Variants in HGSNAT observed in about 807,000 individuals in gnomAD.
The protein encoded by HGSNAT is transmembrane protein 76.
HGSNAT carries 59 observed loss-of-function variants against 85.2 expected under a neutral mutation model. The ratio of observed to expected loss-of-function variants is 0.69; its 90% confidence interval spans 0.56 to 0.86. The LOEUF is 0.86. Among genes scored for constraint, HGSNAT ranks in the 40% least tolerant of loss-of-function variants. The probability of loss-of-function intolerance (pLI) is 0.00; values close to 1 mark genes in which losing one functional copy is unlikely to be tolerated. For missense variants in HGSNAT, 756 were observed against 777.1 expected, an observed-to-expected ratio of 0.97 and a Z score of 0.32; for synonymous variants, 321 against 304.5, an observed-to-expected ratio of 1.05 and a Z score of -0.56.
rs1198992359 is a variant in HGSNAT, at chr8:43,200,030, T to C, written c.*461T>C. 2 of 152,684 alleles carry C rather than the reference T, an allele frequency of 1.3e-5. No individual in the cohort carries two copies. The highest frequency in any genetic ancestry group is 2.9e-5 in the Non-Finnish European group (2 of 68,424). 9.5% of individuals were successfully genotyped at this position (152,684 alleles called of 1,614,324 possible). A position where few individuals can be genotyped will look rare whatever the true frequency, so the allele number is the denominator to read the frequency against. On this transcript the variant is annotated 3_prime_UTR_variant, in exon 18 of 18. Coordinates refer to ENST00000379644, the MANE Select transcript of HGSNAT (RefSeq NM_152419.3). The stretch of plus-strand genomic sequence containing the variant: ...GCTATGAAGCTTACTGGTTGTGATG[T>C]GTTATAATTTAGTCTGTTTTTTTGA...
chr8:43,170,686 C>G lies in HGSNAT; in HGVS notation c.735C>G (p.Thr245=), dbSNP rs997906795. 1.6e-5 allele frequency: 26 copies of G among 1,597,560 alleles called. No homozygotes were observed. The highest frequency in any genetic ancestry group is 2.2e-5 in the Non-Finnish European group (26 of 1,172,490). The part of the protein sequence containing the change: ...ALPPRLRSVD[T]FRGIALILMV... ...CGCCCCGCCTCCGCAGCGTGGACAC[C>G]TTCAGGGGGTATGTGGGCCTCCCTG... is the stretch of plus-strand genomic sequence containing the variant. The change falls in exon 7 of 18, where the codon ACC becomes ACG. Residue 245 remains threonine, a synonymous_variant. Coordinates refer to ENST00000379644, the MANE Select transcript of HGSNAT (RefSeq NM_152419.3).
chr8:43,178,281 A>G (rs1436392548), intron 10 of HGSNAT, 47 bp downstream of exon 10: 6 of 1,339,222 alleles, frequency 4.5e-6, no homozygotes, highest in Non-Finnish European at 6.0e-6. Flanking sequence ...TGAAATATGG[A>G]AACTATATGT....
chr8:43,164,607 C>T (rs1803372143), intron 5 of HGSNAT, among the ~76,000 whole-genome samples: 1 of 152,030 alleles, frequency 6.6e-6, no homozygotes, highest in African/African-American at 2.4e-5. Flanking sequence ...TGGTGAAACC[C>T]CCATCTCTAC....
In HGSNAT at chr8:43,202,427, G is replaced by A. The variant is rs1300107948; in HGVS notation, c.*2858G>A. On this transcript the variant is annotated 3_prime_UTR_variant, in exon 18 of 18. Transcript: ENST00000379644. ...ACAAGATTGGTTTCCTTTGGGAAGG[G>A]AAGAGGGAGTGTGTTGGGGTAAGGG... is the stretch of plus-strand genomic sequence containing the variant. 1.3e-5 allele frequency: 2 copies of A among 152,334 alleles called. No homozygotes were observed. The highest frequency in any genetic ancestry group is 4.8e-5 in the African/African-American group (2 of 41,458). The allele number at this position is 152,334 out of a possible 1,614,324, so 9.4% of individuals were successfully genotyped here.
chr8:43,197,475 T>C (rs1054321792), intron 15 of HGSNAT, 197 bp from the exon 16 acceptor site: 10 of 594,084 alleles, frequency 1.7e-5, no homozygotes, highest in Non-Finnish European at 2.4e-5. Flanking sequence ...CTCAGTAGAA[T>C]GGTGAAGAGA....
At chr8:43,194,657 T>A (rs1414593105) in intron 14 of HGSNAT, 12 of 304,038 alleles carry the variant, frequency 3.9e-5, no homozygotes, top group Non-Finnish European at 5.8e-5. Flanking sequence ...GGACAAATGC[T>A]GTGTCCTCAC....
At chr8:43,165,913 G>A (rs912667549) in intron 5 of HGSNAT, among the ~76,000 whole-genome samples, 1 of 152,146 alleles carries the variant, frequency 6.6e-6, no homozygotes, top group Admixed American at 6.5e-5. Context: ...TCCAGCCTAG[G>A]CAAAGGAGCT....
In HGSNAT at chr8:43,172,289, C is replaced by T. The variant is rs746567359; in HGVS notation, c.744-21C>T. ...TCACATAGCAAACCCTGAAAGGCTT[C>T]TCTTTGTTGGCTTCTTCTAGGATTG... is the stretch of plus-strand genomic sequence containing the variant. On this transcript the variant is annotated intron_variant, in intron 7 of 17. Transcript: ENST00000379644. 10 of 1,580,624 alleles carry T rather than the reference C, an allele frequency of 6.3e-6. No individual in the cohort carries two copies. In the Admixed American group the frequency reaches 1.5e-4, roughly 24 times the overall value.
intron 11 of HGSNAT, among the ~76,000 whole-genome samples, chr8:43,187,739 G>C (rs1233510115): frequency 6.6e-6 from 1 of 152,198 alleles, no homozygotes; most frequent in Non-Finnish European, 1.5e-5. Flanking sequence ...TCCTAGCATT[G>C]ATGGTCTTTA....
intron 12 of HGSNAT, among the ~76,000 whole-genome samples, chr8:43,192,071 G>A (rs1382192250): frequency 6.6e-6 from 1 of 152,126 alleles, no homozygotes; most frequent in Non-Finnish European, 1.5e-5. Flanking sequence ...TGGGATTACA[G>A]GCGCACACCA....
At chr8:43,141,296 C>T (rs1478455681) in intron 1 of HGSNAT, among the ~76,000 whole-genome samples, 1 of 151,610 alleles carries the variant, frequency 6.6e-6, no homozygotes, top group African/African-American at 2.4e-5. Flanking sequence ...GAAGCCGCCG[C>T]CGCCGCCGCC....
At chr8:43,196,117 T>C (rs746581548) in intron 14 of HGSNAT, 5 of 285,560 alleles carry the variant, frequency 1.8e-5, no homozygotes, top group Admixed American at 4.8e-5. Context: ...CTCTGCCACT[T>C]CCCAGCTGGG....
intron 8 of HGSNAT, 96 bp from the exon 9 acceptor site, chr8:43,173,617 T>A: frequency 7.4e-7 from 1 of 1,357,980 alleles, no homozygotes; most frequent in African/African-American, 1.4e-5. Flanking sequence ...CCCCTGGGTT[T>A]ACTTTCTATA....
chr8:43,187,658 GT>G (rs1804365882), intron 11 of HGSNAT, among the ~76,000 whole-genome samples: 2 of 152,084 alleles, frequency 1.3e-5, no homozygotes, highest in Admixed American at 1.3e-4. Flanking sequence ...GGTTAATATC[GT>G]TATGTGTGAA....
chr8:43,173,635 G>A, intron 8 of HGSNAT, 78 bp from the exon 9 acceptor site: 1 of 1,462,532 alleles, frequency 6.8e-7, no homozygotes, highest in East Asian at 2.3e-5. Flanking sequence ...ATACCAGTGT[G>A]TAATGAAGTC....
intron 10 of HGSNAT, 134 bp downstream of exon 10, chr8:43,178,368 G>A (rs962058116): frequency 2.5e-5 from 15 of 609,800 alleles, no homozygotes; most frequent in African/African-American, 1.9e-4. Flanking sequence ...TATATACAAT[G>A]GTTGTCTAAC....
rs565521416 is a variant in HGSNAT at position 43,196,284 on chromosome 8, A to C, written c.1465-664A>C. The C allele has an allele frequency of 2.3e-4, 83 of 360,332 alleles. 1 individual carries two copies. In the East Asian group the frequency reaches 6.1e-3, roughly 26 times the overall value. 22.3% of individuals were successfully genotyped at this position (360,332 alleles called of 1,614,324 possible). On this transcript the variant is annotated intron_variant, in intron 14 of 17. Coordinates refer to ENST00000379644, the MANE Select transcript of HGSNAT (RefSeq NM_152419.3). ...TAGCTATTACTATAAATTATTTTTA[A>C]AGCTTCTCATCCTTTGATGTTTTCA... is the stretch of plus-strand genomic sequence containing the variant.
At chr8:43,169,308 A>AT in intron 6 of HGSNAT, 66 bp downstream of exon 6, 2 of 1,030,782 alleles carry the variant, frequency 1.9e-6, no homozygotes, top group South Asian at 3.2e-5. Context: ...ATAGTTTCTT[A>AT]TTTAATCATT....
intron 1 of HGSNAT, among the ~76,000 whole-genome samples, chr8:43,141,607 C>G (rs1035313231): frequency 6.6e-6 from 1 of 152,054 alleles, no homozygotes; most frequent in Non-Finnish European, 1.5e-5. Context: ...TCCCCTCTCG[C>G]GCCCTTTTCT....
Sources: allele counts gnomAD v4.1 joint callset (sites outside exome capture counted in the v4.1 genomes callset), GRCh38; gene constraint gnomAD v4.1.1; transcripts MANE v1.5; gene names NCBI Gene and HGNC (gene_info 2026-07-23, HGNC 2026-07-21).